Variants in BTK observed in about 807,000 individuals in gnomAD.
BTK encodes the protein Bruton tyrosine kinase.
A neutral mutation model predicts 57.4 loss-of-function variants in BTK; 5 were observed. The ratio of observed to expected loss-of-function variants is 0.09; its 90% CI spans 0.05 to 0.18. The LOEUF is 0.18. BTK is among the 10% of genes least tolerant of loss of function. The pLI is 1.00. For synonymous variants in BTK, 154 were observed against 174.3 expected (o/e 0.88, Z 0.92); for missense variants, 194 against 501.2 (o/e 0.39, Z 5.85).
At chrX:101,363,887 C>CATTATTATT (rs72240121) in intron 5 of BTK, among the ~76,000 whole-genome samples, 263 of 81,815 alleles carry the variant, frequency 3.2e-3, no homozygotes, top group Non-Finnish European at 4.4e-3. Flanking sequence ...GAATCCCGCA[C>CATTATTATT]ATTATTATTA....
intron 1 of BTK, among the ~76,000 whole-genome samples, chrX:101,383,457 G>A (rs1401334057): frequency 9.0e-6 from 1 of 111,020 alleles, no homozygotes; most frequent in Non-Finnish European, 1.9e-5. Context: ...GTTTTAGAGA[G>A]CCCCCTTTCT....
At chrX:101,359,271 G>A (rs782050598) in intron 10 of BTK, 22 bp downstream of exon 10, 1 of 1,208,273 alleles carries the variant, frequency 8.3e-7, no homozygotes, top group Non-Finnish European at 1.1e-6. Flanking sequence ...AGAATGCTGT[G>A]TGCTAGTGGT....
In BTK at chrX:101,358,394, G is replaced by A. The variant is rs782303652; in HGVS notation, c.1018C>T (p.Pro340Ser). The A allele has an allele frequency of 2.5e-6, 3 of 1,211,902 alleles. No homozygotes were observed. The highest frequency in any genetic ancestry group is 3.0e-5 in the East Asian group (1 of 33,839). ...TCAGCCAGGTAATACTGGCTCTGAG[G>A]TGTGGAACACACAACATAATGACGT... Reference protein sequence around the residue: ...VIRHYVVCSTPQSQYYLAEKH... With the variant: ...VIRHYVVCSTSQSQYYLAEKH... The change falls in exon 12 of 19, where the codon CCT becomes TCT. Residue 340 changes from proline to serine, a missense_variant. Transcript: ENST00000308731.
At chrX:101,371,806 C>A (rs1555980353) in intron 3 of BTK, 105 bp from the exon 4 acceptor site, 1 of 649,746 alleles carries the variant, frequency 1.5e-6, no homozygotes, top group South Asian at 2.2e-5. Context: ...GTTTCTCCTG[C>A]ACAGACAAGG....
At chrX:101,371,611 T>A in intron 4 of BTK, 22 bp downstream of exon 4, 1 of 1,196,691 alleles carries the variant, frequency 8.4e-7, no homozygotes, top group Non-Finnish European at 1.1e-6. Flanking sequence ...CTTTCGAGAT[T>A]TGGTGAGAGA....
At chrX:101,382,317 T>G (rs2147455324) in intron 1 of BTK, among the ~76,000 whole-genome samples, 1 of 107,268 alleles carries the variant, frequency 9.3e-6, no homozygotes, top group Non-Finnish European at 1.9e-5. Flanking sequence ...CATGTTTTAT[T>G]TATTTATTTA....
intron 1 of BTK, among the ~76,000 whole-genome samples, chrX:101,380,972 C>G (rs1216034956): frequency 1.0e-5 from 1 of 98,645 alleles, no homozygotes; most frequent in African/African-American, 3.8e-5. Flanking sequence ...TGCCATTGCA[C>G]TCCAGCCTGG....
At chrX:101,366,943 GA>G (rs1346628820) in intron 5 of BTK, among the ~76,000 whole-genome samples, 1 of 112,452 alleles carries the variant, frequency 8.9e-6, no homozygotes, top group African/African-American at 3.2e-5. Context: ...GTTAACATCT[GA>G]GTTAGGAAAC....
intron 1 of BTK, among the ~76,000 whole-genome samples, 191 bp from the exon 2 acceptor site, chrX:101,375,505 T>TG (rs1297784162): frequency 2.0e-4 from 22 of 111,196 alleles, no homozygotes; most frequent in South Asian, 7.6e-4. Context: ...CACACTGAAT[T>TG]GGGGGGGGAT....
At chrX:101,372,534 C>T (rs537685960) in intron 3 of BTK, among the ~76,000 whole-genome samples, 5 of 109,320 alleles carry the variant, frequency 4.6e-5, no homozygotes, top group African/African-American at 1.3e-4. Context: ...CTGCAACCTC[C>T]GCCTCCTGGG....
chrX:101,353,456 G>A (rs2082105603), intron 17 of BTK, 105 bp from the exon 18 acceptor site: 3 of 879,101 alleles, frequency 3.4e-6, no homozygotes, highest in East Asian at 3.1e-5. Context: ...TTGGTTCCCC[G>A]CTCTGTGCTT....
At position 101,371,655 on chromosome X, in the gene BTK, T is replaced by A. The variant is rs1317277241; in HGVS notation, c.287A>T (p.Glu96Val). 8.3e-7 allele frequency: 1 copy of A among 1,209,153 alleles called. No individual in the cohort carries two copies. Among genetic ancestry groups the A allele is most frequent in the Non-Finnish European group, 1.1e-6 (1 of 894,423 alleles). The change falls in exon 4 of 19, where the codon GAA becomes GTA. Residue 96 changes from glutamate (E) to valine (V), a missense_variant. Glu to Val is a moderately radical substitution (Grantham distance 121). Transcript: ENST00000308731. Reference sequence around the variant, plus strand: ...CACCTGGAAGGGATAAGGGAACCTTTCAATGATTGAAATTTGCTCCATTTC... The same window carrying A: ...CACCTGGAAGGGATAAGGGAACCTTACAATGATTGAAATTTGCTCCATTTC... ...SSEMEQISII[E>V]RFPYPFQVVY...
chrX:101,363,620 C>T (rs782774115), intron 5 of BTK, among the ~76,000 whole-genome samples: 2 of 107,418 alleles, frequency 1.9e-5, no homozygotes, highest in African/African-American at 6.8e-5. Context: ...GCAAGAGAAT[C>T]GCTTGAACCT....
chrX:101,373,212 A>G (rs1220895652), intron 3 of BTK, among the ~76,000 whole-genome samples: 1 of 111,925 alleles, frequency 8.9e-6, no homozygotes, highest in Non-Finnish European at 1.9e-5. Flanking sequence ...TGAAATAAAA[A>G]GATAAAAATA....
intron 18 of BTK, 80 bp from the exon 19 acceptor site, chrX:101,350,036 G>A: frequency 1.5e-6 from 1 of 648,988 alleles, no homozygotes; most frequent in Non-Finnish European, 2.5e-6. Context: ...AGCAGCAAAT[G>A]TTTATTAAAT....
At chrX:101,367,363 G>A (rs995467182) in intron 5 of BTK, among the ~76,000 whole-genome samples, 19 of 109,894 alleles carry the variant, frequency 1.7e-4, no homozygotes, top group African/African-American at 5.3e-4. Context: ...TGGGCCAGGT[G>A]TGGTGGCTCA....
chrX:101,357,540 C>T lies in BTK; in HGVS notation c.1146G>A (p.Lys382=), dbSNP rs1436532937. 1 of 1,208,834 alleles carries T rather than the reference C, an allele frequency of 8.3e-7. No homozygotes were observed. Among genetic ancestry groups the T allele is most frequent in the East Asian group, 3.0e-5 (1 of 33,760 alleles). Residue 382 remains lysine, a synonymous_variant, in exon 13 of 19, where the codon AAG becomes AAA. Transcript: ENST00000308731. ...RLKYPVSQQN[K]NAPSTAGLGY... is the part of the protein sequence containing the mutation. ...CCAGGCCTGCAGTGGAAGGTGCATT[C>T]TTGTTTTGTTGAGACACTGGATATT... is the stretch of plus-strand genomic sequence containing the variant.
At position 101,369,854 on chromosome X, in the gene BTK, A is replaced by AT. The variant is rs193922127; in HGVS notation, c.391+143dup. The AT allele has an allele frequency of 0.087, 42,959 of 494,666 alleles. 1,527 individuals are homozygous for AT. The highest frequency in any genetic ancestry group is 0.14 in the African/African-American group (5,172 of 36,026). 40.8% of individuals were successfully genotyped at this position (494,666 alleles called of 1,213,427 possible). A position where few individuals can be genotyped will look rare whatever the true frequency, so the allele number is the denominator to read the frequency against. On this transcript the variant is annotated intron_variant, in intron 5 of 18. Transcript: ENST00000308731. Reference sequence around the variant, plus strand: ...CTCTTTCTTTTCTCCCCTTCTATCCATTTTTTTCTTCTTTTCTCTCTACGT... The same window carrying AT: ...CTCTTTCTTTTCTCCCCTTCTATCCATTTTTTTTCTTCTTTTCTCTCTACGT...
At chrX:101,359,172 G>T in intron 10 of BTK, 121 bp downstream of exon 10, 1 of 780,899 alleles carries the variant, frequency 1.3e-6, no homozygotes, top group Non-Finnish European at 2.0e-6. Flanking sequence ...GTGTAATTGG[G>T]ATCCCAGACG....
Sources: allele counts gnomAD v4.1 joint callset (sites outside exome capture counted in the v4.1 genomes callset), GRCh38; gene constraint gnomAD v4.1.1; transcripts MANE v1.5; gene names NCBI Gene and HGNC (gene_info 2026-07-23, HGNC 2026-07-21).